TRANK1: variants seen among roughly 807,000 people sequenced by gnomAD.
TRANK1 encodes the protein TPR and ankyrin repeat-containing protein 1.
Under a neutral mutation model 266.0 loss-of-function variants are expected in TRANK1, and 198 were observed. That is an observed-to-expected ratio of 0.74 (90% CI 0.66 to 0.84). TRANK1 has a LOEUF of 0.84. TRANK1 is among the 40% of genes least tolerant of loss of function. TRANK1 has a pLI of 0.00. For synonymous variants in TRANK1, 1,396 were observed against 1,384.1 expected (o/e 1.01, Z -0.19); for missense variants, 3,326 against 3,634.6 (o/e 0.92, Z 2.18).
intron 20 of TRANK1, among the ~76,000 whole-genome samples, chr3:36,836,454 G>A: frequency 6.6e-6 from 1 of 152,180 alleles, no homozygotes; most frequent in Non-Finnish European, 1.5e-5. Flanking sequence ...GTAAAACACA[G>A]AGAAAGATGT....
chr3:36,829,735 A>G, intron 22 of TRANK1, 73 bp from the exon 23 acceptor site: 5 of 1,482,606 alleles, frequency 3.4e-6, no homozygotes, highest in Non-Finnish European at 4.7e-6. Context: ...TACTAGACCC[A>G]GAGTCCCCAC....
In TRANK1 at chr3:36,851,789, A is replaced by T. The variant is rs767660962; in HGVS notation, c.4817T>A (p.Leu1606Gln). ...IPEELGLALV[L>Q]TIYEAKGLEF... Reference sequence around the variant, plus strand: ...TAAGCCTTTTGCTTCATAAATTGTTAGCACAAGTGCTAACCCCAGCTCTTC... The same window carrying T: ...TAAGCCTTTTGCTTCATAAATTGTTTGCACAAGTGCTAACCCCAGCTCTTC... Residue 1606 changes from leucine to glutamine, a missense_variant, in exon 15 of 24, where the codon CTA (leucine) becomes CAA (glutamine). Physicochemically the swap from Leu to Gln is moderately radical, Grantham distance 113. Coordinates refer to ENST00000645898, the MANE Select transcript of TRANK1 (RefSeq NM_001329998.2). 4 of 1,612,450 alleles carry T rather than the reference A, an allele frequency of 2.5e-6. No individual in the cohort carries two copies. Among genetic ancestry groups the T allele is most frequent in the Non-Finnish European group, 3.4e-6 (4 of 1,179,216 alleles).
intron 9 of TRANK1, among the ~76,000 whole-genome samples, chr3:36,867,654 T>G (rs2079245003): frequency 6.6e-6 from 1 of 152,214 alleles, no homozygotes; most frequent in African/African-American, 2.4e-5. Flanking sequence ...TGCATTATAA[T>G]CAAGAGTTTT....
chr3:36,926,259 A>G (rs978986531), intron 1 of TRANK1, among the ~76,000 whole-genome samples: 1 of 152,122 alleles, frequency 6.6e-6, no homozygotes, highest in Non-Finnish European at 1.5e-5. Flanking sequence ...TATTGTCTCA[A>G]TGGCTATACG....
chr3:36,904,080 C>T (rs560433550), intron 2 of TRANK1, among the ~76,000 whole-genome samples: 43 of 151,980 alleles, frequency 2.8e-4, no homozygotes, highest in African/African-American at 9.6e-4. Flanking sequence ...CTCAGCCTCC[C>T]GAGTAGCTGG....
At position 36,829,598 on chromosome 3, in the gene TRANK1, C is replaced by CCAGT; in HGVS notation, c.8771_8774dup (p.Trp2925Ter). 1 of 1,614,000 alleles carries CCAGT rather than the reference C, an allele frequency of 6.2e-7. No individual in the cohort carries two copies. Among genetic ancestry groups the CCAGT allele is most frequent in the Non-Finnish European group, 8.5e-7 (1 of 1,179,892 alleles). Reference sequence around the variant, plus strand: ...TTAAGCGGGTCTCTGTTTTCATCAACCAGTCTCGTGCATCCCTGACTGACA... The same window carrying CCAGT: ...TTAAGCGGGTCTCTGTTTTCATCAACCAGTCAGTCTCGTGCATCCCTGACTGACA... On this transcript the variant is annotated stop_gained and frameshift_variant, in exon 23 of 24. Coordinates refer to ENST00000645898, the MANE Select transcript of TRANK1 (RefSeq NM_001329998.2). LOFTEE classifies it high-confidence loss of function.
chr3:36,844,192 C>T (rs368554703), intron 17 of TRANK1, among the ~76,000 whole-genome samples: 1 of 152,176 alleles, frequency 6.6e-6, no homozygotes, highest in Non-Finnish European at 1.5e-5. Context: ...AGTCACTTAG[C>T]TTCTATGATC....
At chr3:36,863,557 C>T (rs891981658) in intron 10 of TRANK1, among the ~76,000 whole-genome samples, 3 of 152,228 alleles carry the variant, frequency 2.0e-5, no homozygotes, top group Admixed American at 6.5e-5. Flanking sequence ...GCAACCCATC[C>T]TAACAGCTAA....
At chr3:36,916,376 C>G (rs1421728450) in intron 1 of TRANK1, among the ~76,000 whole-genome samples, 2 of 152,100 alleles carry the variant, frequency 1.3e-5, no homozygotes, top group African/African-American at 4.8e-5. Context: ...CTAGCCTGAC[C>G]AACATGGTGA....
Position 36,887,572 on chromosome 3 carries a change from G to T in TRANK1, c.907+2257C>A, listed in dbSNP as rs1260544511. ...TCCAACCCATGGCCCACACAAATTC[G>T]TAAATTTTCTTAAAACATTGTGAGA... On this transcript the variant is annotated intron_variant, in intron 8 of 23. Coordinates refer to ENST00000645898, the MANE Select transcript of TRANK1 (RefSeq NM_001329998.2). Among the ~76,000 whole-genome samples the T allele has an allele frequency of 2.6e-5, 4 of 152,154 alleles. No homozygotes were observed. The East Asian group carries it at 7.7e-4, about 29-fold the overall frequency.
At chr3:36,837,054 A>G (rs1284975661) in intron 20 of TRANK1, among the ~76,000 whole-genome samples, 1 of 152,186 alleles carries the variant, frequency 6.6e-6, no homozygotes, top group Admixed American at 6.5e-5. Flanking sequence ...TCTTGTGGTC[A>G]TCTCACCCAA....
intron 1 of TRANK1, among the ~76,000 whole-genome samples, chr3:36,918,564 TAGGAAGGAAGGA>T (rs1335352179): frequency 1.9e-4 from 3 of 15,598 alleles, no homozygotes; most frequent in Admixed American, 7.8e-4. Context: ...GGAAGGAAGG[TAGGAAGGAAGGA>T]AGGAAGGAAG....
chr3:36,884,572 G>A (rs1249455411), intron 8 of TRANK1, among the ~76,000 whole-genome samples: 1 of 152,158 alleles, frequency 6.6e-6, no homozygotes, highest in Non-Finnish European at 1.5e-5. Context: ...AAACATCCGA[G>A]TCCATACTGA....
intron 1 of TRANK1, among the ~76,000 whole-genome samples, chr3:36,931,984 G>A (rs1320760900): frequency 1.3e-5 from 2 of 152,192 alleles, no homozygotes; most frequent in African/African-American, 4.8e-5. Flanking sequence ...GTGGGGCAGA[G>A]AACACAGGAG....
chr3:36,882,740 A>C (rs1411713795), intron 8 of TRANK1, among the ~76,000 whole-genome samples: 1 of 152,222 alleles, frequency 6.6e-6, no homozygotes, highest in East Asian at 1.9e-4. Flanking sequence ...AGTATATACC[A>C]CAGACAAGAG....
At chr3:36,864,576 A>C in intron 9 of TRANK1, 96 bp from the exon 10 acceptor site, 3 of 1,211,482 alleles carry the variant, frequency 2.5e-6, no homozygotes, top group Non-Finnish European at 1.1e-6. Flanking sequence ...CCACATACTC[A>C]CATGCTGTGC....
intron 4 of TRANK1, 96 bp from the exon 5 acceptor site, chr3:36,895,854 G>A: frequency 2.8e-6 from 2 of 719,572 alleles, no homozygotes; most frequent in Non-Finnish European, 4.3e-6. Flanking sequence ...ATAGACAAAT[G>A]GTAAATTAAA....
chr3:36,831,490 G>A lies in TRANK1; in HGVS notation c.8093C>T (p.Ala2698Val), dbSNP rs2078693371. Residue 2698 changes from alanine to valine, a missense_variant, in exon 22 of 24, where the codon GCA becomes GTA. Ala to Val is a moderately conservative substitution (Grantham distance 64). Transcript: ENST00000645898. This position sits in a 1 kb window ranked among gnomAD's most constrained non-coding sequence, Gnocchi z 5.0. ...EFGQDEMDEL[A>V]LEDRDHVLAT... ...CAGGACGTGGTCTCGGTCTTCTAAT[G>A]CCAGTTCATCCATCTCATCCTGGCC... 1.2e-6 allele frequency: 2 copies of A among 1,613,218 alleles called. No homozygotes were observed. Among genetic ancestry groups the A allele is most frequent in the Non-Finnish European group, 1.7e-6 (2 of 1,179,608 alleles).
intron 5 of TRANK1, among the ~76,000 whole-genome samples, chr3:36,894,087 C>G (rs1217649445): frequency 6.6e-6 from 1 of 152,192 alleles, no homozygotes; most frequent in Non-Finnish European, 1.5e-5. Context: ...ATGCTTCTGT[C>G]TGCAGTATTT....
Sources: gnomAD v4.1 joint callset for allele counts (sites outside exome capture counted in the v4.1 genomes callset) on GRCh38, gnomAD v4.1.1 for gene constraint, Gnocchi (gnomAD v3.1) non-coding constraint, MANE v1.5 for transcripts, NCBI Gene and HGNC (gene_info 2026-07-23, HGNC 2026-07-21) for gene names.